Variants in TRPC4 observed in about 807,000 individuals in gnomAD.
TRPC4 encodes the protein short transient receptor potential channel 4.
A neutral mutation model predicts 99.4 loss-of-function variants in TRPC4; 49 were observed. That is an observed-to-expected ratio of 0.49 (90% confidence interval 0.39 to 0.63). The LOEUF (loss-of-function observed/expected upper bound fraction) is 0.63. Among genes scored for constraint, TRPC4 ranks in the 20% least tolerant of loss-of-function variants. TRPC4 has a pLI of 0.00. For missense variants in TRPC4, 898 were observed against 1,152.9 expected (o/e 0.78, Z 3.20); for synonymous variants, 454 against 425.9 (o/e 1.07, Z -0.81).
chr13:37,783,452 T>G, intron 1 of TRPC4, 92 bp from the exon 2 acceptor site: 1 of 978,900 alleles, frequency 1.0e-6, no homozygotes. Context: ...GTGATATCAA[T>G]AACAACAATA....
chr13:37,671,549 A>G (rs1424731462), intron 5 of TRPC4, among the ~76,000 whole-genome samples: 2 of 150,442 alleles, frequency 1.3e-5, no homozygotes, highest in Non-Finnish European at 3.0e-5. Flanking sequence ...GACTCATAGT[A>G]CATGAGAAAG....
intron 1 of TRPC4, among the ~76,000 whole-genome samples, chr13:37,819,994 C>T (rs1957968945): frequency 6.6e-6 from 1 of 151,516 alleles, no homozygotes; most frequent in Admixed American, 6.6e-5. Context: ...CACAAAAGAT[C>T]AACAAATCCA....
intron 4 of TRPC4, among the ~76,000 whole-genome samples, chr13:37,681,212 T>C (rs1953224343): frequency 6.6e-6 from 1 of 152,190 alleles, no homozygotes; most frequent in Non-Finnish European, 1.5e-5. Context: ...AGATGACCTC[T>C]AAGCAAAACT....
intron 1 of TRPC4, among the ~76,000 whole-genome samples, chr13:37,840,947 C>T (rs1958714813): frequency 6.6e-6 from 1 of 152,008 alleles, no homozygotes; most frequent in African/African-American, 2.4e-5. Flanking sequence ...ATTATTTTTG[C>T]TATTCAAGTA....
intron 3 of TRPC4, among the ~76,000 whole-genome samples, chr13:37,738,835 A>C (rs1380430538): frequency 6.6e-6 from 1 of 152,202 alleles, no homozygotes; most frequent in Non-Finnish European, 1.5e-5. Flanking sequence ...AATCCACATA[A>C]GACTGTTGTG....
chr13:37,842,651 G>C (rs1409994608), intron 1 of TRPC4, among the ~76,000 whole-genome samples: 2 of 152,222 alleles, frequency 1.3e-5, no homozygotes, highest in South Asian at 2.1e-4. Context: ...ATGGTGAAAG[G>C]AGCAGGTAGC....
chr13:37,795,520 C>T (rs1250880200), intron 1 of TRPC4, among the ~76,000 whole-genome samples: 2 of 152,066 alleles, frequency 1.3e-5, no homozygotes, highest in African/African-American at 4.8e-5. Context: ...GTAAGAAATG[C>T]TTGCTGGAGG....
chr13:37,710,853 T>A (rs1429510693), intron 3 of TRPC4, among the ~76,000 whole-genome samples: 1 of 151,914 alleles, frequency 6.6e-6, no homozygotes, highest in African/African-American at 2.4e-5. Flanking sequence ...AATTATTTTT[T>A]GAATGGAAAG....
At chr13:37,785,306 C>T (rs1021461471) in intron 1 of TRPC4, among the ~76,000 whole-genome samples, 1 of 151,984 alleles carries the variant, frequency 6.6e-6, no homozygotes, top group Non-Finnish European at 1.5e-5. Flanking sequence ...TTCTCATTCC[C>T]AGGTCAGAGT....
chr13:37,799,472 C>T (rs1397059712), intron 1 of TRPC4, among the ~76,000 whole-genome samples: 2 of 152,068 alleles, frequency 1.3e-5, no homozygotes, highest in Admixed American at 6.6e-5. Flanking sequence ...TTGTAGTCAG[C>T]AAAAACTTAT....
intron 4 of TRPC4, among the ~76,000 whole-genome samples, chr13:37,688,197 G>C (rs1953556695): frequency 6.6e-6 from 1 of 152,172 alleles, no homozygotes; most frequent in Non-Finnish European, 1.5e-5. Flanking sequence ...GCTTTGTTGG[G>C]CGGTGAGTTC....
intron 5 of TRPC4, among the ~76,000 whole-genome samples, chr13:37,668,723 T>C (rs900759204): frequency 1.1e-4 from 17 of 152,144 alleles, no homozygotes; most frequent in Admixed American, 6.5e-5. Context: ...AAGTAATAAA[T>C]AGAAATGAGT....
At chr13:37,863,902 C>T (rs1332362232) in intron 1 of TRPC4, among the ~76,000 whole-genome samples, 1 of 151,628 alleles carries the variant, frequency 6.6e-6, no homozygotes, top group East Asian at 1.9e-4. Context: ...ATAGTCAGCA[C>T]TATTATACTA....
At chr13:37,759,507 CT>C (rs1956172677) in intron 2 of TRPC4, among the ~76,000 whole-genome samples, 1 of 151,764 alleles carries the variant, frequency 6.6e-6, no homozygotes, top group Non-Finnish European at 1.5e-5. Flanking sequence ...ATGAGACATA[CT>C]TAACATCACA....
chr13:37,688,405 T>A (rs941234023), intron 4 of TRPC4, among the ~76,000 whole-genome samples: 4 of 152,160 alleles, frequency 2.6e-5, no homozygotes, highest in Non-Finnish European at 5.9e-5. Context: ...ACAGTTCTTA[T>A]TGCTGAAACA....
intron 5 of TRPC4, among the ~76,000 whole-genome samples, chr13:37,668,431 GA>G (rs753138239): frequency 4.6e-5 from 7 of 152,134 alleles, no homozygotes; most frequent in African/African-American, 1.7e-4. Context: ...GCACTCTGGG[GA>G]GAAGAATTAT....
At chr13:37,849,083 A>G (rs1958989196) in intron 1 of TRPC4, among the ~76,000 whole-genome samples, 1 of 152,170 alleles carries the variant, frequency 6.6e-6, no homozygotes, top group Non-Finnish European at 1.5e-5. Context: ...AGATTCCCAC[A>G]GTCAGATGAA....
At chr13:37,760,293 C>A (rs1956188997) in intron 2 of TRPC4, among the ~76,000 whole-genome samples, 1 of 151,876 alleles carries the variant, frequency 6.6e-6, no homozygotes, top group Non-Finnish European at 1.5e-5. Flanking sequence ...TTAAACTTTC[C>A]ATACAGCTTT....
intron 1 of TRPC4, among the ~76,000 whole-genome samples, chr13:37,859,408 C>T (rs867482640): frequency 3.3e-5 from 5 of 151,142 alleles, no homozygotes; most frequent in Non-Finnish European, 7.4e-5. Flanking sequence ...AAATGTCAAA[C>T]AGTAGAAATA....
Sources: gnomAD v4.1 joint callset for allele counts (sites outside exome capture counted in the v4.1 genomes callset) on GRCh38, gnomAD v4.1.1 for gene constraint, MANE v1.5 for transcripts, NCBI Gene and HGNC (gene_info 2026-07-23, HGNC 2026-07-21) for gene names.